GALNT1: variants seen among roughly 807,000 people sequenced by gnomAD.
GALNT1 encodes GalNAc transferase 1.
A neutral mutation model predicts 65.7 loss-of-function variants in GALNT1; 17 were observed. That is an observed-to-expected ratio of 0.26 (90% confidence interval 0.18 to 0.39). The LOEUF (loss-of-function observed/expected upper bound fraction) is 0.39, where lower values mean the gene tolerates loss of function less well. Ranked by LOEUF, GALNT1 falls within the 10% of genes least tolerant of loss-of-function variation. The pLI, the probability that GALNT1 is intolerant of heterozygous loss-of-function variation, is 1.00. For missense variants in GALNT1, 460 were observed against 672.8 expected (o/e 0.68, Z 3.50); for synonymous variants, 210 against 219.7 (o/e 0.96, Z 0.39).
At chr18:35,598,517 C>T (rs536327854) in intron 1 of GALNT1, among the ~76,000 whole-genome samples, 4 of 152,262 alleles carry the variant, frequency 2.6e-5, no homozygotes, top group East Asian at 3.9e-4. Context: ...TTTCACTTAA[C>T]GTAATGACCT....
intron 3 of GALNT1, among the ~76,000 whole-genome samples, chr18:35,670,424 TA>T (rs1390468016): frequency 1.3e-5 from 2 of 152,212 alleles, no homozygotes; most frequent in Non-Finnish European, 2.9e-5. Flanking sequence ...AAATATTACT[TA>T]TAATGTAGTC....
chr18:35,703,470 T>A (rs573641146), intron 10 of GALNT1, 39 bp from the exon 11 acceptor site: 142 of 1,588,902 alleles, frequency 8.9e-5, no homozygotes, highest in Non-Finnish European at 1.2e-4. Flanking sequence ...GCTGACTAAT[T>A]TATTTTTTCT....
chr18:35,660,511 C>G (rs1001933614), intron 2 of GALNT1, among the ~76,000 whole-genome samples: 1 of 152,104 alleles, frequency 6.6e-6, no homozygotes, highest in Non-Finnish European at 1.5e-5. Flanking sequence ...TGATTTGATT[C>G]TTAGAAATGA....
At chr18:35,616,468 A>G (rs2046784707) in intron 1 of GALNT1, among the ~76,000 whole-genome samples, 1 of 152,156 alleles carries the variant, frequency 6.6e-6, no homozygotes, top group Admixed American at 6.6e-5. Flanking sequence ...TGTTTAATTT[A>G]TATCTCTATT....
At chr18:35,646,695 C>G (rs1013356752) in intron 1 of GALNT1, among the ~76,000 whole-genome samples, 5 of 152,174 alleles carry the variant, frequency 3.3e-5, no homozygotes, top group Admixed American at 3.3e-4. Flanking sequence ...AAGTCCAGCC[C>G]ACACTCTAGG....
At chr18:35,615,195 G>A (rs866883271) in intron 1 of GALNT1, among the ~76,000 whole-genome samples, 4 of 152,132 alleles carry the variant, frequency 2.6e-5, no homozygotes, top group African/African-American at 9.7e-5. Context: ...AAGATTTTAA[G>A]ATAGTGTAAA....
At chr18:35,611,064 G>C (rs966060234) in intron 1 of GALNT1, among the ~76,000 whole-genome samples, 2 of 152,088 alleles carry the variant, frequency 1.3e-5, no homozygotes, top group African/African-American at 2.4e-5. Flanking sequence ...TAGGGTGGGG[G>C]TCTTTGTACT....
At chr18:35,635,525 G>A (rs769550791) in intron 1 of GALNT1, among the ~76,000 whole-genome samples, 2 of 152,158 alleles carry the variant, frequency 1.3e-5, no homozygotes, top group African/African-American at 2.4e-5. Context: ...GGTCATTGCC[G>A]TGACTCCAGG....
chr18:35,587,277 A>AC lies in GALNT1; in HGVS notation c.-104+5416dup, dbSNP rs1022200819. 3.3e-4 allele frequency among the ~76,000 whole-genome samples: 50 copies of AC among 152,164 alleles called. 1 individual carries two copies. The highest frequency in any genetic ancestry group is 2.9e-5 in the Non-Finnish European group (2 of 68,020). ...AGATTCCTTGGGATTTTCTATGCAG[A>AC]CTACCATGTTACCTGCAAAGAGGAA... On this transcript the variant is annotated intron_variant, in intron 1 of 11. Coordinates refer to ENST00000269195, the MANE Select transcript of GALNT1 (RefSeq NM_020474.4).
chr18:35,708,546 A>AAAG (rs1477658572), intron 11 of GALNT1, among the ~76,000 whole-genome samples: 1 of 152,254 alleles, frequency 6.6e-6, no homozygotes, highest in Non-Finnish European at 1.5e-5. Context: ...GCCATGAGTA[A>AAAG]AAGAATCAGA....
chr18:35,688,304 G>C (rs1288358261), intron 6 of GALNT1, among the ~76,000 whole-genome samples: 2 of 151,922 alleles, frequency 1.3e-5, no homozygotes, highest in African/African-American at 4.8e-5. Flanking sequence ...GGAAACAACT[G>C]TTTCCTCTGG....
intron 1 of GALNT1, among the ~76,000 whole-genome samples, chr18:35,619,678 T>C (rs2046827439): frequency 6.6e-6 from 1 of 152,232 alleles, no homozygotes; most frequent in Non-Finnish European, 1.5e-5. Context: ...GTGGCAGTAC[T>C]GATGACAACA....
intron 3 of GALNT1, among the ~76,000 whole-genome samples, chr18:35,671,285 C>T (rs1189653645): frequency 6.6e-6 from 1 of 152,128 alleles, no homozygotes; most frequent in Non-Finnish European, 1.5e-5. Context: ...GGCACAGTCA[C>T]AGCTGACTGC....
At chr18:35,627,535 T>C (rs913293140) in intron 1 of GALNT1, 1 of 152,114 alleles carries the variant, frequency 6.6e-6, no homozygotes, top group Non-Finnish European at 1.5e-5. Flanking sequence ...TTCTCTTACA[T>C]TGGGGTTTGA....
At chr18:35,624,050 T>A (rs916737882) in intron 1 of GALNT1, among the ~76,000 whole-genome samples, 24 of 152,226 alleles carry the variant, frequency 1.6e-4, no homozygotes, top group African/African-American at 5.8e-4. Context: ...AGATTTAAAC[T>A]CCAAATTCTG....
chr18:35,587,648 A>G (rs1437965399), intron 1 of GALNT1, among the ~76,000 whole-genome samples: 2 of 152,070 alleles, frequency 1.3e-5, no homozygotes, highest in African/African-American at 4.8e-5. Context: ...CATTGTATTG[A>G]TTTATTTTTT....
intron 3 of GALNT1, among the ~76,000 whole-genome samples, chr18:35,670,059 G>A (rs1206328914): frequency 6.6e-6 from 1 of 152,166 alleles, no homozygotes; most frequent in Non-Finnish European, 1.5e-5. Flanking sequence ...GGCACCTGAA[G>A]CAGGAAGATT....
intron 5 of GALNT1, among the ~76,000 whole-genome samples, chr18:35,684,516 G>C (rs757357588): frequency 5.3e-5 from 8 of 152,072 alleles, no homozygotes; most frequent in African/African-American, 2.4e-5. Flanking sequence ...ATATTTGCTC[G>C]CCTGAAGATA....
At chr18:35,588,108 C>G (rs543345445) in intron 1 of GALNT1, among the ~76,000 whole-genome samples, 6 of 152,172 alleles carry the variant, frequency 3.9e-5, no homozygotes, top group African/African-American at 1.4e-4. Context: ...TCTGCTCTTA[C>G]ATCCTGTTGG....
Sources: allele counts gnomAD v4.1 joint callset (sites outside exome capture counted in the v4.1 genomes callset), GRCh38; gene constraint gnomAD v4.1.1; transcripts MANE v1.5; gene names NCBI Gene and HGNC (gene_info 2026-07-23, HGNC 2026-07-21).